PXDNL: variants seen among roughly 807,000 people sequenced by gnomAD.
PXDNL encodes peroxidasin like, also known as probable oxidoreductase PXDNL.
PXDNL carries 145 observed loss-of-function variants against 150.8 expected under a neutral mutation model. That is an observed-to-expected ratio of 0.96 (90% CI 0.84 to 1.10). PXDNL has a LOEUF of 1.10. Ranked by LOEUF, PXDNL falls within the 50% of genes least tolerant of loss-of-function variation. The pLI is 0.00. For synonymous variants in PXDNL, 757 were observed against 725.7 expected (o/e 1.04, Z -0.69); for missense variants, 2,087 against 1,873.9 (o/e 1.11, Z -2.10).
intron 17 of PXDNL, among the ~76,000 whole-genome samples, chr8:51,379,032 A>C (rs552453128): frequency 2.0e-4 from 30 of 152,288 alleles, no homozygotes; most frequent in African/African-American, 7.2e-4. Flanking sequence ...CTCTTGCCAC[A>C]GCGCTAGGAC....
intron 3 of PXDNL, among the ~76,000 whole-genome samples, chr8:51,568,107 T>A (rs1563467518): frequency 6.6e-6 from 1 of 151,816 alleles, no homozygotes; most frequent in African/African-American, 2.4e-5. Context: ...ACCAAATTTA[T>A]TGTATTTATT....
Position 51,414,786 on chromosome 8 carries a change from C to T in PXDNL, c.1796-1528G>A, listed in dbSNP as rs190842717. 1.0e-3 allele frequency among the ~76,000 whole-genome samples: 156 copies of T among 152,062 alleles called. 1 individual carries two copies. The highest frequency in any genetic ancestry group is 3.4e-3 in the Middle Eastern group (1 of 294). The stretch of plus-strand genomic sequence containing the variant: ...TGATATTCTGTTTCATACAAAGAAA[C>T]GTTATAATACACTAAGAAACAAATA... On this transcript the variant is annotated intron_variant, in intron 14 of 22. Coordinates refer to ENST00000356297, the MANE Select transcript of PXDNL (RefSeq NM_144651.5).
At chr8:51,557,842 T>C (rs552804490) in intron 3 of PXDNL, among the ~76,000 whole-genome samples, 4 of 152,292 alleles carry the variant, frequency 2.6e-5, no homozygotes, top group Non-Finnish European at 5.9e-5. Context: ...GGACTGATTT[T>C]CTATAATTTG....
chr8:51,783,868 A>T (rs2037437417), intron 1 of PXDNL, among the ~76,000 whole-genome samples: 1 of 152,204 alleles, frequency 6.6e-6, no homozygotes, highest in African/African-American at 2.4e-5. Flanking sequence ...GGTAAAATGG[A>T]ACTAAACATT....
At chr8:51,539,842 A>G (rs540567524) in intron 4 of PXDNL, among the ~76,000 whole-genome samples, 2 of 151,732 alleles carry the variant, frequency 1.3e-5, no homozygotes, top group East Asian at 3.9e-4. Context: ...TTCCTTTTTT[A>G]TGGTAGTTCA....
At chr8:51,542,319 C>T (rs1812234612) in intron 4 of PXDNL, among the ~76,000 whole-genome samples, 1 of 152,076 alleles carries the variant, frequency 6.6e-6, no homozygotes, top group Non-Finnish European at 1.5e-5. Context: ...TTTGTCTCAG[C>T]ATAGACAAAA....
intron 4 of PXDNL, among the ~76,000 whole-genome samples, chr8:51,547,862 T>A (rs1293941822): frequency 1.3e-5 from 2 of 152,090 alleles, no homozygotes; most frequent in African/African-American, 4.8e-5. Context: ...AATTGCCAGA[T>A]AAAGAATTCA....
chr8:51,784,376 A>T (rs2037441696), intron 1 of PXDNL, among the ~76,000 whole-genome samples: 9 of 152,244 alleles, frequency 5.9e-5, no homozygotes, highest in Admixed American at 5.9e-4. Context: ...ACGAATTCTT[A>T]AGCAGATCAA....
At chr8:51,391,163 C>T (rs148395445) in intron 17 of PXDNL, among the ~76,000 whole-genome samples, 3,419 of 152,216 alleles carry the variant, frequency 0.022, 136 homozygotes, top group African/African-American at 0.077. Context: ...TGGGTTGGTT[C>T]CAAGTCTTTG....
intron 17 of PXDNL, among the ~76,000 whole-genome samples, chr8:51,398,137 C>A (rs1160650431): frequency 2.0e-5 from 3 of 152,322 alleles, no homozygotes; most frequent in South Asian, 2.1e-4. Flanking sequence ...AAACACTGGA[C>A]AACAAGCAGC....
chr8:51,758,555 T>C (rs531371724), intron 1 of PXDNL, among the ~76,000 whole-genome samples: 15 of 152,302 alleles, frequency 9.8e-5, no homozygotes, highest in South Asian at 4.2e-4. Flanking sequence ...GGGCGAGACG[T>C]ACTGGAGATA....
At chr8:51,710,820 A>G (rs1228596877) in intron 1 of PXDNL, among the ~76,000 whole-genome samples, 1 of 152,238 alleles carries the variant, frequency 6.6e-6, no homozygotes, top group Non-Finnish European at 1.5e-5. Context: ...ACAAATTTTA[A>G]CATCTTTTTA....
intron 21 of PXDNL, among the ~76,000 whole-genome samples, chr8:51,332,574 C>CAA (rs34764699): frequency 7.4e-6 from 1 of 135,272 alleles, no homozygotes; most frequent in African/African-American, 2.7e-5. Flanking sequence ...GAGCTTGTAT[C>CAA]AAAAAAAAAA....
intron 12 of PXDNL, among the ~76,000 whole-genome samples, chr8:51,427,180 T>C (rs1386462629): frequency 6.6e-6 from 1 of 152,120 alleles, no homozygotes; most frequent in Non-Finnish European, 1.5e-5. Context: ...CAAACTACCA[T>C]AACACACCTA....
intron 3 of PXDNL, among the ~76,000 whole-genome samples, chr8:51,585,351 T>C (rs1490433669): frequency 6.6e-6 from 1 of 151,988 alleles, no homozygotes; most frequent in Admixed American, 6.6e-5. Flanking sequence ...AGCAGATATG[T>C]TCCACCTCAG....
chr8:51,446,617 G>A (rs1313438253), intron 12 of PXDNL, among the ~76,000 whole-genome samples: 1 of 152,092 alleles, frequency 6.6e-6, no homozygotes, highest in African/African-American at 2.4e-5. Context: ...TGTCTTCACT[G>A]TATTCCTAAT....
chr8:51,409,349 C>G lies in PXDNL; in HGVS notation c.2275G>C (p.Asp759His). The change falls in exon 17 of 23, where the codon GAC (aspartate) becomes CAC (histidine). Residue 759 changes from aspartate (D) to histidine (H), a missense_variant. Physicochemically the swap from Asp to His is moderately conservative, Grantham distance 81. Coordinates refer to ENST00000356297, the MANE Select transcript of PXDNL (RefSeq NM_144651.5). ...FARLLQPAYR[D>H]GIRAPRGLGL... ...AGCCCGCGGGGCGCGCGGATGCCGT[C>G]CCGGTAGGCTGGCTGCAGCAGGCGC... 1.3e-6 allele frequency: 2 copies of G among 1,528,226 alleles called. No homozygotes were observed. Among genetic ancestry groups the G allele is most frequent in the Non-Finnish European group, 1.7e-6 (2 of 1,143,918 alleles). The allele number at this position is 1,528,226 out of a possible 1,614,324, so 94.7% of individuals were successfully genotyped here. A position where few individuals can be genotyped will look rare whatever the true frequency, so the allele number is the denominator to read the frequency against.
intron 10 of PXDNL, among the ~76,000 whole-genome samples, chr8:51,449,766 C>G (rs976227974): frequency 1.3e-5 from 2 of 152,168 alleles, no homozygotes; most frequent in Non-Finnish European, 2.9e-5. Context: ...TTAAGAAGAG[C>G]GCAATGATCC....
At chr8:51,765,562 T>C (rs1379627008) in intron 1 of PXDNL, among the ~76,000 whole-genome samples, 2 of 152,236 alleles carry the variant, frequency 1.3e-5, no homozygotes, top group African/African-American at 2.4e-5. Flanking sequence ...TAATACAATA[T>C]AGTTGGTTCA....
Sources: allele counts gnomAD v4.1 joint callset (sites outside exome capture counted in the v4.1 genomes callset), GRCh38; gene constraint gnomAD v4.1.1; transcripts MANE v1.5; gene names NCBI Gene and HGNC (gene_info 2026-07-23, HGNC 2026-07-21).